The following LGR4 variants were observed in gnomAD, a reference collection of about 807,000 sequenced individuals.
LGR4 encodes the protein leucine rich repeat containing G protein-coupled receptor 4.
In LGR4, 44 loss-of-function variants were observed where a neutral mutation model predicts 84.8. That is an observed-to-expected ratio of 0.52 (90% CI 0.41 to 0.67). The LOEUF is 0.67. Among genes scored for constraint, LGR4 ranks in the 30% least tolerant of loss-of-function variants. LGR4 has a pLI of 0.00. For missense variants in LGR4, 1,032 were observed against 1,131.4 expected (o/e 0.91, Z 1.26); for synonymous variants, 429 against 434.3 (o/e 0.99, Z 0.15).
At chr11:27,394,992 T>C (rs775902618) in intron 2 of LGR4, among the ~76,000 whole-genome samples, 5 of 152,240 alleles carry the variant, frequency 3.3e-5, no homozygotes, top group Non-Finnish European at 4.4e-5. Flanking sequence ...TGCCATAGCA[T>C]CCCAAAGTCT....
At chr11:27,421,514 T>C (rs1029905995) in intron 1 of LGR4, among the ~76,000 whole-genome samples, 18 of 152,154 alleles carry the variant, frequency 1.2e-4, no homozygotes, top group African/African-American at 3.6e-4. Flanking sequence ...CATTTAAGGG[T>C]GTGTTCTTCA....
At chr11:27,419,366 AC>A (rs1863880795) in intron 1 of LGR4, among the ~76,000 whole-genome samples, 1 of 151,904 alleles carries the variant, frequency 6.6e-6, no homozygotes, top group African/African-American at 2.4e-5. Context: ...GAGACATGAT[AC>A]AACTTTTAGA....
chr11:27,380,173 A>C, intron 10 of LGR4, 98 bp downstream of exon 10: 1 of 687,116 alleles, frequency 1.5e-6, no homozygotes, highest in Admixed American at 2.6e-5. Context: ...CGGAGGAATC[A>C]ACATAAACCC....
At chr11:27,458,741 G>T (rs1864621542) in intron 1 of LGR4, among the ~76,000 whole-genome samples, 1 of 151,986 alleles carries the variant, frequency 6.6e-6, no homozygotes. Context: ...GTTTCACCAT[G>T]TTGGCCAGGC....
At chr11:27,464,235 A>G (rs1198296964) in intron 1 of LGR4, among the ~76,000 whole-genome samples, 1 of 152,202 alleles carries the variant, frequency 6.6e-6, no homozygotes, top group Non-Finnish European at 1.5e-5. Flanking sequence ...ATGGAGTGGC[A>G]ACCATGAGTT....
chr11:27,471,599 G>A (rs1864873575), intron 1 of LGR4: 1 of 152,484 alleles, frequency 6.6e-6, no homozygotes, highest in Middle Eastern at 3.4e-3. Context: ...CCTGACTGAG[G>A]TACAGGTGTT....
chr11:27,403,068 A>AGATTT, intron 2 of LGR4, among the ~76,000 whole-genome samples: 1 of 152,238 alleles, frequency 6.6e-6, no homozygotes. Context: ...AGCTAAATCT[A>AGATTT]ATTGTAATGT....
In LGR4 at chr11:27,373,682, A is replaced by G; in HGVS notation, c.1254-6T>C. ...ATTCATTGAAACTTACATCTCTAAAATATGAATGAGACTTCAAGTTAATGC... is the reference window on the plus strand; with the variant it reads ...ATTCATTGAAACTTACATCTCTAAAGTATGAATGAGACTTCAAGTTAATGC... On this transcript the variant is annotated splice_polypyrimidine_tract_variant and splice_region_variant and intron_variant, in intron 14 of 17. Transcript: ENST00000379214. 6.4e-7 allele frequency: 1 copy of G among 1,564,914 alleles called. No individual in the cohort carries two copies. The highest frequency in any genetic ancestry group is 8.7e-7 in the Non-Finnish European group (1 of 1,152,182).
intron 1 of LGR4, among the ~76,000 whole-genome samples, chr11:27,421,496 C>T (rs1047288154): frequency 3.9e-5 from 6 of 152,016 alleles, no homozygotes; most frequent in African/African-American, 1.4e-4. Context: ...GCAATACAGC[C>T]TAGGAGACAT....
rs909462305 is a variant in LGR4 at position 27,393,947 on chromosome 11, G to T, written c.258-1429C>A. 4.7e-5 allele frequency among the ~76,000 whole-genome samples: 6 copies of T among 126,766 alleles called. 1 individual carries two copies. Among genetic ancestry groups the T allele is most frequent in the African/African-American group, 1.7e-4 (6 of 34,614 alleles). The allele number at this position is 126,766 out of a possible 152,430, so 83.2% of individuals were successfully genotyped here. A position where few individuals can be genotyped will look rare whatever the true frequency, so the allele number is the denominator to read the frequency against. Reference sequence around the variant, plus strand: ...GCGATTGCACTGAAGATTGGGGGGGGGGGGGGGCGCGGGAAGGGGACAGAA... The same window carrying T: ...GCGATTGCACTGAAGATTGGGGGGGTGGGGGGGCGCGGGAAGGGGACAGAA... On this transcript the variant is annotated intron_variant, in intron 2 of 17. Coordinates refer to ENST00000379214, the MANE Select transcript of LGR4 (RefSeq NM_018490.5).
intron 2 of LGR4, among the ~76,000 whole-genome samples, chr11:27,404,193 G>T (rs1565081227): frequency 6.6e-6 from 1 of 152,252 alleles, no homozygotes; most frequent in East Asian, 1.9e-4. Context: ...GCAAACCATG[G>T]TTTCATTTGC....
At chr11:27,436,069 G>A (rs1201273258) in intron 1 of LGR4, among the ~76,000 whole-genome samples, 2 of 151,220 alleles carry the variant, frequency 1.3e-5, no homozygotes, top group East Asian at 2.0e-4. Flanking sequence ...CCACTACCAC[G>A]CCCGGCTAAT....
chr11:27,443,899 T>C (rs545841818), intron 1 of LGR4, among the ~76,000 whole-genome samples: 1 of 152,296 alleles, frequency 6.6e-6, no homozygotes, highest in Non-Finnish European at 1.5e-5. Flanking sequence ...AAAGTGTCAT[T>C]CAGTTTCAAA....
chr11:27,450,367 C>T (rs760414483), intron 1 of LGR4, among the ~76,000 whole-genome samples: 14 of 152,184 alleles, frequency 9.2e-5, no homozygotes, highest in East Asian at 1.9e-4. Flanking sequence ...ACTTTCCTTC[C>T]GGCAGAATAT....
At chr11:27,375,621 C>G (rs1862963181) in intron 13 of LGR4, among the ~76,000 whole-genome samples, 1 of 152,180 alleles carries the variant, frequency 6.6e-6, no homozygotes, top group Non-Finnish European at 1.5e-5. Flanking sequence ...CTACTCAATT[C>G]TGCTATAGTG....
At chr11:27,412,355 T>C (rs1192619086) in intron 2 of LGR4, among the ~76,000 whole-genome samples, 1 of 152,096 alleles carries the variant, frequency 6.6e-6, no homozygotes, top group Non-Finnish European at 1.5e-5. Context: ...CTACCCTCAG[T>C]TTTCTGCTGG....
chr11:27,377,839 A>G (rs1863015854), intron 11 of LGR4, among the ~76,000 whole-genome samples: 1 of 152,180 alleles, frequency 6.6e-6, no homozygotes, highest in African/African-American at 2.4e-5. Context: ...CCCAAATAAC[A>G]GTTTTGGTCA....
intron 1 of LGR4, among the ~76,000 whole-genome samples, chr11:27,413,330 C>T (rs1046115003): frequency 1.3e-5 from 2 of 152,066 alleles, no homozygotes; most frequent in African/African-American, 2.4e-5. Context: ...TATAAAAGTC[C>T]TCCAGGTAAC....
intron 1 of LGR4, among the ~76,000 whole-genome samples, chr11:27,444,759 A>G (rs1016260281): frequency 2.0e-5 from 3 of 152,226 alleles, no homozygotes; most frequent in Non-Finnish European, 2.9e-5. Flanking sequence ...TCACTTTTAA[A>G]TGCTCTGAAA....
Sources: gnomAD v4.1 joint callset for allele counts (sites outside exome capture counted in the v4.1 genomes callset) on GRCh38, gnomAD v4.1.1 for gene constraint, MANE v1.5 for transcripts, NCBI Gene and HGNC (gene_info 2026-07-23, HGNC 2026-07-21) for gene names.